The following PLEKHG4B variants were observed in gnomAD, a reference collection of about 807,000 sequenced individuals.
The protein encoded by PLEKHG4B is pleckstrin homology domain-containing family G member 4B.
Under a neutral mutation model 121.3 loss-of-function variants are expected in PLEKHG4B, and 111 were observed. That is an observed-to-expected ratio of 0.92 (90% CI 0.78 to 1.07). PLEKHG4B has a LOEUF of 1.07. Ranked by LOEUF, PLEKHG4B falls within the 50% of genes least tolerant of loss-of-function variation. The pLI, the probability that PLEKHG4B is intolerant of heterozygous loss-of-function variation, is 0.00. For synonymous variants in PLEKHG4B, 738 were observed against 725.0 expected, an observed-to-expected ratio of 1.02 and a Z score of -0.29; for missense variants, 1,831 against 1,757.8, an observed-to-expected ratio of 1.04 and a Z score of -0.74.
At chr5:181,807 C>A in intron 19 of PLEKHG4B, 132 bp downstream of exon 19, 1 of 1,330,114 alleles carries the variant, frequency 7.5e-7, no homozygotes, top group Non-Finnish European at 1.0e-6. Context: ...GTCAAGGACA[C>A]GGGTACGGTG....
At position 171,156 on chromosome 5, in the gene PLEKHG4B, C is replaced by A. The variant is rs749712557; in HGVS notation, c.3819+24C>A. On this transcript the variant is annotated intron_variant, in intron 15 of 19. Coordinates refer to ENST00000637938, the MANE Select transcript of PLEKHG4B (RefSeq NM_052909.5). Reference sequence around the variant, plus strand: ...AGGTCATCCCCCTCGGCCCGCCCCCCACAGCCTGCCCGGCCCTCAGCCAGG... The same window carrying A: ...AGGTCATCCCCCTCGGCCCGCCCCCAACAGCCTGCCCGGCCCTCAGCCAGG... The A allele has an allele frequency of 3.7e-6, 6 of 1,609,270 alleles. No homozygotes were observed. The East Asian group carries it at 1.1e-4, about 30-fold the overall frequency.
chr5:112,651 C>T (rs1734190277), intron 1 of PLEKHG4B, among the ~76,000 whole-genome samples: 1 of 152,222 alleles, frequency 6.6e-6, no homozygotes, highest in Non-Finnish European at 1.5e-5. Context: ...ATTCAGCAGC[C>T]TTGAGGAGGG....
chr5:156,624 CCGCCT>C lies in PLEKHG4B; in HGVS notation c.2349-146_2349-142del. On this transcript the variant is annotated intron_variant, in intron 10 of 19. Transcript: ENST00000637938. This position sits in a 1 kb window ranked among gnomAD's most constrained non-coding sequence, Gnocchi z 4.4. ...AGAACGCATGGAGCACATCTGTGCC[CCGCCT>C]CGGTTGTGGGCCTCCTCCTGGGGCT... 1 of 1,110,988 alleles carries C rather than the reference CCGCCT, an allele frequency of 9.0e-7. No individual in the cohort carries two copies. Among genetic ancestry groups the C allele is most frequent in the South Asian group, 1.6e-5 (1 of 60,716 alleles). The allele number at this position is 1,110,988 out of a possible 1,614,324, so 68.8% of individuals were successfully genotyped here.
At chr5:166,501 T>TG (rs1736351154) in intron 13 of PLEKHG4B, among the ~76,000 whole-genome samples, 2 of 77,266 alleles carry the variant, frequency 2.6e-5, no homozygotes, top group African/African-American at 4.8e-5. Flanking sequence ...CTCACAGTAA[T>TG]CTTCTGACGG....
chr5:135,683 ATATATATAT>A lies in PLEKHG4B; in HGVS notation c.244-3799_244-3791del, dbSNP rs1244683447. 4.3e-3 allele frequency among the ~76,000 whole-genome samples: 69 copies of A among 16,108 alleles called. 2 individuals carry two copies. The highest frequency in any genetic ancestry group is 0.015 in the African/African-American group (65 of 4,316). The allele number at this position is 16,108 out of a possible 152,430, so 10.6% of individuals were successfully genotyped here. The stretch of plus-strand genomic sequence containing the variant: ...TCCATCTCAAAAAAAAAAAAAAAAA[ATATATATAT>A]ATATATATATATATATATATATATA... On this transcript the variant is annotated intron_variant, in intron 2 of 19. Coordinates refer to ENST00000637938, the MANE Select transcript of PLEKHG4B (RefSeq NM_052909.5).
chr5:140,845 C>A (rs1300707170), intron 3 of PLEKHG4B, 129 bp downstream of exon 3: 13 of 615,040 alleles, frequency 2.1e-5, no homozygotes, highest in Non-Finnish European at 2.8e-5. Context: ...CCACCACAAC[C>A]TCCCCTGCAC....
Position 156,035 on chromosome 5 carries a change from G to A in PLEKHG4B, c.2209-36G>A, listed in dbSNP as rs569151305. 2 of 1,506,644 alleles carry A rather than the reference G, an allele frequency of 1.3e-6. No homozygotes were observed. Among genetic ancestry groups the A allele is most frequent in the South Asian group, 2.7e-5 (2 of 73,782 alleles). The allele number at this position is 1,506,644 out of a possible 1,614,324, so 93.3% of individuals were successfully genotyped here. A position where few individuals can be genotyped will look rare whatever the true frequency, so the allele number is the denominator to read the frequency against. ...TTGGGAGGACCTGCCCCTTGGAGGA[G>A]GGAGTTAAAGGCTTATTCCTCCCCA... On this transcript the variant is annotated intron_variant, in intron 9 of 19. Coordinates refer to ENST00000637938, the MANE Select transcript of PLEKHG4B (RefSeq NM_052909.5). This position sits in a 1 kb window ranked among gnomAD's most constrained non-coding sequence, Gnocchi z 4.4.
Position 151,591 on chromosome 5 carries a change from ATAATTCAGG to A in PLEKHG4B, c.1989_1992+5del, listed in dbSNP as rs1560932025. ...TGCATTTAGGCCTGACAAGGATGCA[ATAATTCAGG>A]TAATGGTTTAGACTGTGGGATCCTG... On this transcript the variant is annotated splice_donor_variant and coding_sequence_variant, in exon 7 of 20. Transcript: ENST00000637938. LOFTEE classifies it high-confidence loss of function. 1 of 1,578,458 alleles carries A rather than the reference ATAATTCAGG, an allele frequency of 6.3e-7. No individual in the cohort carries two copies. The highest frequency in any genetic ancestry group is 1.7e-5 in the Admixed American group (1 of 59,396).
chr5:169,674 G>C, intron 14 of PLEKHG4B, 82 bp downstream of exon 14: 2 of 1,558,510 alleles, frequency 1.3e-6, no homozygotes, highest in South Asian at 2.4e-5. Flanking sequence ...CAGGGCCCAC[G>C]TGTCAGGCGG....
Position 189,124 on chromosome 5 carries a change from C to T in PLEKHG4B, c.*6801C>T, listed in dbSNP as rs1245602289. ...GGGCCTGCAGTCGCCCATAATGGGC[C>T]CTGCCCCCTAGGCCTGGCCTCTTTT... is the stretch of plus-strand genomic sequence containing the variant. On this transcript the variant is annotated 3_prime_UTR_variant, in exon 20 of 20. Transcript: ENST00000637938. 1 of 152,424 alleles carries T rather than the reference C, an allele frequency of 6.6e-6. No homozygotes were observed. The highest frequency in any genetic ancestry group is 1.5e-5 in the Non-Finnish European group (1 of 68,170). The allele number at this position is 152,424 out of a possible 1,614,324, so 9.4% of individuals were successfully genotyped here.
chr5:131,417 A>T (rs1158391737), intron 2 of PLEKHG4B, among the ~76,000 whole-genome samples: 1 of 152,132 alleles, frequency 6.6e-6, no homozygotes, highest in Admixed American at 6.5e-5. Context: ...AGCTTCATCC[A>T]TATCCCTGCA....
intron 11 of PLEKHG4B, 46 bp from the exon 12 acceptor site, chr5:161,737 C>T (rs368596153): frequency 1.8e-4 from 285 of 1,612,408 alleles, no homozygotes; most frequent in African/African-American, 6.0e-4. Context: ...GAGACATGAA[C>T]GTGGAAGCAC....
At position 140,402 on chromosome 5, in the gene PLEKHG4B, T is replaced by C. The variant is rs1056182004; in HGVS notation, c.1163T>C (p.Leu388Pro). The C allele has an allele frequency of 5.8e-6, 9 of 1,553,916 alleles. No individual in the cohort carries two copies. Among genetic ancestry groups the C allele is most frequent in the Non-Finnish European group, 7.8e-6 (9 of 1,149,548 alleles). ...TCCCTGACTGGAGCCAGCAGGGACC[T>C]GGGGACTGGGGCAGTAGCCAGTGGG... Reference protein sequence around the residue: ...CSSLTGASRDLGTGAVASGTQ... With the variant: ...CSSLTGASRDPGTGAVASGTQ... Residue 388 changes from leucine (L) to proline (P), a missense_variant, in exon 3 of 20, where the codon CTG becomes CCG. Transcript: ENST00000637938.
In PLEKHG4B at chr5:159,140, C is replaced by T. The variant is rs370153826; in HGVS notation, c.2487+2229C>T. On this transcript the variant is annotated intron_variant, in intron 11 of 19. Coordinates refer to ENST00000637938, the MANE Select transcript of PLEKHG4B (RefSeq NM_052909.5). The surrounding 1 kb of genome is among the most constrained non-coding windows in gnomAD (Gnocchi z 5.5). ...CTGGAATCTGAGGGTTGCCCAGGTG[C>T]GCTGAGGGCAGGTGTGCCCGAGGGT... Among the ~76,000 whole-genome samples the T allele has an allele frequency of 2.5e-4, 38 of 152,126 alleles. No individual in the cohort carries two copies. The highest frequency in any genetic ancestry group is 8.4e-4 in the African/African-American group (35 of 41,506).
In PLEKHG4B at chr5:155,350, G is replaced by A; in HGVS notation, c.2115G>A (p.Leu705=). 1 of 1,613,842 alleles carries A rather than the reference G, an allele frequency of 6.2e-7. No homozygotes were observed. Among genetic ancestry groups the A allele is most frequent in the Non-Finnish European group, 8.5e-7 (1 of 1,179,742 alleles). The change falls in exon 9 of 20, where the codon CTG becomes CTA. Residue 705 remains leucine, a synonymous_variant. Transcript: ENST00000637938. ...TCCCTCTCAACTCACAACAGAGGCT[G>A]GAACACTTCGCTGCAAACTGTGAAG... ...HGDWICFRQR[L]EHFAANCEEA... is the part of the protein sequence containing the mutation.
Position 175,116 on chromosome 5 carries a change from C to T in PLEKHG4B, c.4402+1018C>T, listed in dbSNP as rs147445326. On this transcript the variant is annotated intron_variant, in intron 18 of 19. Coordinates refer to ENST00000637938, the MANE Select transcript of PLEKHG4B (RefSeq NM_052909.5). ...ACTGCGGCAACCCGAGAGAGTCCCC[C>T]GCAGGTCTGGTTCCATGTTTAACCC... is the stretch of plus-strand genomic sequence containing the variant. 5.3e-4 allele frequency among the ~76,000 whole-genome samples: 80 copies of T among 152,222 alleles called. No individual in the cohort carries two copies. The East Asian group carries it at 8.5e-3, about 16-fold the overall frequency.
intron 3 of PLEKHG4B, among the ~76,000 whole-genome samples, chr5:141,882 G>A (rs967858396): frequency 6.6e-6 from 1 of 152,092 alleles, no homozygotes; most frequent in African/African-American, 2.4e-5. Flanking sequence ...CTCCCCCCGC[G>A]GTGCCTGGAG....
intron 8 of PLEKHG4B, 72 bp downstream of exon 8, chr5:155,063 A>G (rs1334712404): frequency 7.5e-7 from 1 of 1,332,280 alleles, no homozygotes; most frequent in African/African-American, 1.4e-5. Flanking sequence ...TGTTTTTACT[A>G]GAATTTGAAA....
rs190778265 is a variant in PLEKHG4B at position 109,477 on chromosome 5, C to G, written c.46-3774C>G. On this transcript the variant is annotated intron_variant, in intron 1 of 19. Coordinates refer to ENST00000637938, the MANE Select transcript of PLEKHG4B (RefSeq NM_052909.5). ...ATTAAAAGTACCTCCCATACCCACC[C>G]CCAGGTGCCACACCCTGGGCTACAG... 5.1e-3 allele frequency among the ~76,000 whole-genome samples: 769 copies of G among 152,050 alleles called. 12 individuals carry two copies. Among genetic ancestry groups the G allele is most frequent in the African/African-American group, 0.017 (723 of 41,428 alleles).
Sources: gnomAD v4.1 joint callset for allele counts (sites outside exome capture counted in the v4.1 genomes callset) on GRCh38, gnomAD v4.1.1 for gene constraint, Gnocchi (gnomAD v3.1) non-coding constraint, MANE v1.5 for transcripts, NCBI Gene and HGNC (gene_info 2026-07-23, HGNC 2026-07-21) for gene names.